The following RBFOX1 variants were observed in gnomAD, a reference collection of about 807,000 sequenced individuals.
RBFOX1 encodes the protein RNA binding protein fox-1 homolog 1.
A neutral mutation model predicts 57.7 loss-of-function variants in RBFOX1; 8 were observed. That is an observed-to-expected ratio of 0.14 (90% CI 0.08 to 0.25). RBFOX1 has a LOEUF of 0.25. Ranked by LOEUF, RBFOX1 falls within the 10% of genes least tolerant of loss-of-function variation. The pLI is 1.00. For synonymous variants in RBFOX1, 326 were observed against 222.4 expected (o/e 1.47, Z -4.15); for missense variants, 611 against 548.5 (o/e 1.11, Z -1.14).
intron 3 of RBFOX1, among the ~76,000 whole-genome samples, chr16:6,754,711 T>TA (rs1555775361): frequency 3.9e-5 from 6 of 152,100 alleles, no homozygotes; most frequent in Non-Finnish European, 8.8e-5. Flanking sequence ...TTGTTTTTTT[T>TA]TTATTATTAT....
chr16:7,083,481 T>G (rs2059510555), intron 4 of RBFOX1, among the ~76,000 whole-genome samples: 1 of 151,952 alleles, frequency 6.6e-6, no homozygotes, highest in Admixed American at 6.6e-5. Context: ...AAATGACACA[T>G]ACCAATCCAC....
At chr16:6,926,443 G>T (rs183906409) in intron 3 of RBFOX1, among the ~76,000 whole-genome samples, 70 of 152,302 alleles carry the variant, frequency 4.6e-4, no homozygotes, top group Admixed American at 1.2e-3. Flanking sequence ...CCTGCCTCCT[G>T]ATCGGTGTTC....
chr16:5,951,664 T>A (rs2059522427), intron 4 of RBFOX1, among the ~76,000 whole-genome samples: 1 of 152,130 alleles, frequency 6.6e-6, no homozygotes, highest in Non-Finnish European at 1.5e-5. Flanking sequence ...CCTGCACTGC[T>A]GAGTCTCCCC....
At chr16:6,142,360 T>C (rs1166913902) in intron 1 of RBFOX1, among the ~76,000 whole-genome samples, 1 of 151,666 alleles carries the variant, frequency 6.6e-6, no homozygotes, top group Non-Finnish European at 1.5e-5. Flanking sequence ...TAGCTGGGAC[T>C]ACAGGCGCCC....
At chr16:7,048,708 G>A (rs940197629) in intron 3 of RBFOX1, among the ~76,000 whole-genome samples, 3 of 151,966 alleles carry the variant, frequency 2.0e-5, no homozygotes, top group Admixed American at 6.6e-5. Context: ...TCTTTGCTAT[G>A]TTGATGTTGG....
intron 1 of RBFOX1, among the ~76,000 whole-genome samples, chr16:6,134,039 T>G (rs1376259822): frequency 6.6e-6 from 1 of 151,860 alleles, no homozygotes; most frequent in Non-Finnish European, 1.5e-5. Flanking sequence ...TGGGTTCAAG[T>G]GATTCTCCTG....
intron 1 of RBFOX1, among the ~76,000 whole-genome samples, chr16:6,105,765 C>G (rs1178159087): frequency 6.6e-6 from 1 of 151,554 alleles, no homozygotes; most frequent in African/African-American, 2.4e-5. Flanking sequence ...ATGGATTTAC[C>G]TTTTATTTAT....
chr16:6,464,478 G>T (rs991678541), intron 2 of RBFOX1, among the ~76,000 whole-genome samples: 3 of 152,158 alleles, frequency 2.0e-5, no homozygotes, highest in African/African-American at 7.2e-5. Context: ...TTGTAATAAC[G>T]AAGTCCTACC....
intron 1 of RBFOX1, among the ~76,000 whole-genome samples, chr16:6,043,272 G>A (rs192759747): frequency 1.3e-5 from 2 of 151,810 alleles, no homozygotes; most frequent in Admixed American, 1.3e-4. Context: ...CTTAAAAGGT[G>A]TCCGTCTCCC....
chr16:6,981,667 G>C (rs907249979), intron 3 of RBFOX1, among the ~76,000 whole-genome samples: 47 of 152,190 alleles, frequency 3.1e-4, no homozygotes, highest in Admixed American at 2.9e-3. Flanking sequence ...AATTTGTGTA[G>C]AGGAACTCCC....
rs555204477 is a variant in RBFOX1 at position 7,169,943 on chromosome 16, C to A, written c.27+117845C>A. Among the ~76,000 whole-genome samples the A allele has an allele frequency of 7.2e-5, 11 of 152,148 alleles. No homozygotes were observed. The South Asian group carries it at 1.9e-3, about 26-fold the overall frequency. ...AAAAAAATAGCTGGGCATGGTGACA[C>A]ACGCCTGTGGTCCCAGCTACTTGGG... On this transcript the variant is annotated intron_variant, in intron 4 of 15. Transcript: ENST00000550418.
At chr16:6,194,610 C>A (rs1160925536) in intron 1 of RBFOX1, among the ~76,000 whole-genome samples, 1 of 152,176 alleles carries the variant, frequency 6.6e-6, no homozygotes, top group Non-Finnish European at 1.5e-5. Flanking sequence ...TACTTATCTT[C>A]TAACTCTCGA....
At chr16:5,540,169 G>T (rs936523646) in intron 2 of RBFOX1, among the ~76,000 whole-genome samples, 1 of 152,062 alleles carries the variant, frequency 6.6e-6, no homozygotes. Flanking sequence ...AAGGATCTGG[G>T]GTCTTAGACA....
At chr16:5,822,543 C>G (rs987136022) in intron 3 of RBFOX1, among the ~76,000 whole-genome samples, 2 of 152,180 alleles carry the variant, frequency 1.3e-5, no homozygotes, top group Non-Finnish European at 2.9e-5. Context: ...AGCATAGATC[C>G]TATAGCTACA....
intron 2 of RBFOX1, among the ~76,000 whole-genome samples, chr16:6,624,955 A>G (rs1368386601): frequency 6.6e-6 from 1 of 152,034 alleles, no homozygotes; most frequent in African/African-American, 2.4e-5. Flanking sequence ...ACTTGAGGTC[A>G]GGAGTTTGAG....
chr16:5,251,659 C>G (rs891659803), intron 1 of RBFOX1, among the ~76,000 whole-genome samples: 9 of 152,088 alleles, frequency 5.9e-5, no homozygotes, highest in African/African-American at 2.2e-4. Context: ...AGAACAGTGG[C>G]TGCTTGGAGT....
chr16:5,912,108 G>T (rs1436053387), intron 4 of RBFOX1, among the ~76,000 whole-genome samples: 1 of 152,140 alleles, frequency 6.6e-6, no homozygotes, highest in Non-Finnish European at 1.5e-5. Flanking sequence ...AGCATTTGGG[G>T]ATTGGACAGA....
At chr16:7,142,658 A>G (rs563068871) in intron 4 of RBFOX1, among the ~76,000 whole-genome samples, 2 of 152,264 alleles carry the variant, frequency 1.3e-5, no homozygotes, top group South Asian at 4.1e-4. Flanking sequence ...TAACAGTTTA[A>G]TCAGTAATTA....
intron 2 of RBFOX1, among the ~76,000 whole-genome samples, chr16:6,493,833 A>C (rs1460853843): frequency 6.6e-6 from 1 of 152,220 alleles, no homozygotes; most frequent in Non-Finnish European, 1.5e-5. Context: ...ACGCCAACTG[A>C]ATATACGAAA....
Sources: allele counts gnomAD v4.1 joint callset (sites outside exome capture counted in the v4.1 genomes callset), GRCh38; gene constraint gnomAD v4.1.1; transcripts MANE v1.5; gene names NCBI Gene and HGNC (gene_info 2026-07-23, HGNC 2026-07-21).